NHSL1: variants seen among roughly 807,000 people sequenced by gnomAD.
NHSL1 encodes the protein NHS like 1.
Under a neutral mutation model 95.0 loss-of-function variants are expected in NHSL1, and 48 were observed. The observed-to-expected ratio is 0.51, with a 90% CI of 0.40 to 0.64. The LOEUF (loss-of-function observed/expected upper bound fraction) is 0.64. NHSL1 is among the 30% of genes least tolerant of loss of function. NHSL1 has a pLI of 0.00. For synonymous variants in NHSL1, 783 were observed against 833.9 expected (o/e 0.94, Z 1.05); for missense variants, 1,971 against 2,077.7 (o/e 0.95, Z 1.00).
chr6:138,621,201 C>A (rs1200308484), intron 1 of NHSL1, among the ~76,000 whole-genome samples: 2 of 152,166 alleles, frequency 1.3e-5, no homozygotes, highest in Non-Finnish European at 2.9e-5. Context: ...AGTTTTGCTA[C>A]AAATGGTATG....
At chr6:138,428,410 G>A (rs1267578576) in intron 7 of NHSL1, among the ~76,000 whole-genome samples, 1 of 152,216 alleles carries the variant, frequency 6.6e-6, no homozygotes, top group Non-Finnish European at 1.5e-5. Context: ...TGCCACTGAA[G>A]TTTCAAAGGA....
intron 1 of NHSL1, among the ~76,000 whole-genome samples, chr6:138,690,327 G>A (rs1439754215): frequency 1.3e-5 from 2 of 152,148 alleles, no homozygotes; most frequent in Non-Finnish European, 2.9e-5. Flanking sequence ...AGCAAAGTGT[G>A]TGAAGGTGAA....
chr6:138,606,135 G>C (rs546172950), intron 1 of NHSL1, among the ~76,000 whole-genome samples: 1 of 152,186 alleles, frequency 6.6e-6, no homozygotes, highest in Non-Finnish European at 1.5e-5. Flanking sequence ...TGCTGTGCCT[G>C]CCACCCACAG....
At chr6:138,437,403 TAC>T (rs1776231216) in intron 5 of NHSL1, among the ~76,000 whole-genome samples, 5 of 56,488 alleles carry the variant, frequency 8.9e-5, no homozygotes, top group African/African-American at 1.7e-4. Context: ...TATATATATA[TAC>T]ACACATATAC....
chr6:138,495,935 A>T (rs961395595), intron 2 of NHSL1, among the ~76,000 whole-genome samples: 2 of 152,082 alleles, frequency 1.3e-5, no homozygotes, highest in Non-Finnish European at 2.9e-5. Context: ...ATTCACTATC[A>T]TGAGAACAGT....
intron 1 of NHSL1, among the ~76,000 whole-genome samples, chr6:138,652,365 C>T (rs576072360): frequency 3.3e-5 from 5 of 150,788 alleles, no homozygotes; most frequent in Non-Finnish European, 5.9e-5. Context: ...CACTTGAACC[C>T]GGAGGCAGAG....
intron 7 of NHSL1, among the ~76,000 whole-genome samples, chr6:138,426,640 G>A (rs1213616946): frequency 1.3e-5 from 2 of 152,160 alleles, no homozygotes; most frequent in African/African-American, 4.8e-5. Flanking sequence ...AAGACAGAGG[G>A]CAGCATGGGC....
chr6:138,585,229 G>A (rs1200283158), intron 1 of NHSL1, among the ~76,000 whole-genome samples: 1 of 152,194 alleles, frequency 6.6e-6, no homozygotes, highest in Non-Finnish European at 1.5e-5. Context: ...GGAGCGAGAG[G>A]TGAGCTGGGA....
At chr6:138,514,791 C>T (rs1451638577) in intron 1 of NHSL1, among the ~76,000 whole-genome samples, 1 of 152,094 alleles carries the variant, frequency 6.6e-6, no homozygotes, top group Admixed American at 6.5e-5. Context: ...GATGTAGTGG[C>T]TCACACCTGT....
chr6:138,442,243 T>A (rs534746908), intron 4 of NHSL1, 129 bp from the exon 5 acceptor site: 1 of 968,084 alleles, frequency 1.0e-6, no homozygotes, highest in South Asian at 2.1e-5. Flanking sequence ...CATATGATGA[T>A]GAATGCTGAA....
intron 1 of NHSL1, among the ~76,000 whole-genome samples, chr6:138,625,668 CAA>C (rs1452329072): frequency 1.0e-4 from 15 of 148,908 alleles, no homozygotes; most frequent in Non-Finnish European, 2.1e-4. Context: ...AAATTAGAGA[CAA>C]AGTCTTGCTG....
intron 1 of NHSL1, among the ~76,000 whole-genome samples, chr6:138,505,584 G>A (rs1457459340): frequency 2.7e-5 from 4 of 150,436 alleles, no homozygotes; most frequent in Non-Finnish European, 5.9e-5. Context: ...GAATCTGGGA[G>A]GCGGAGGTTG....
chr6:138,669,893 G>A (rs1377077803), intron 1 of NHSL1, among the ~76,000 whole-genome samples: 2 of 152,036 alleles, frequency 1.3e-5, no homozygotes, highest in Non-Finnish European at 2.9e-5. Context: ...GGCCAAGGTG[G>A]GTGGATCACC....
chr6:138,647,741 C>T (rs1785038411), intron 1 of NHSL1, among the ~76,000 whole-genome samples: 1 of 151,794 alleles, frequency 6.6e-6, no homozygotes, highest in Non-Finnish European at 1.5e-5. Context: ...GCTGGGATTA[C>T]AGATGCGCGC....
At chr6:138,685,671 G>A (rs1042046179) in intron 1 of NHSL1, among the ~76,000 whole-genome samples, 12 of 151,948 alleles carry the variant, frequency 7.9e-5, no homozygotes, top group African/African-American at 2.9e-4. Context: ...GCAACACAGT[G>A]AGACATCAAT....
intron 1 of NHSL1, among the ~76,000 whole-genome samples, chr6:138,627,986 T>C (rs1784765399): frequency 6.6e-6 from 1 of 152,096 alleles, no homozygotes; most frequent in Admixed American, 6.5e-5. Context: ...AAAGTTACTT[T>C]TAAGTTTTCA....
intron 3 of NHSL1, chr6:138,464,190 G>A (rs1778190990): frequency 2.8e-6 from 2 of 712,658 alleles, no homozygotes; most frequent in African/African-American, 1.8e-5. Context: ...GGCACCAGGG[G>A]CAGCCTGACA....
At chr6:138,613,514 A>T (rs1245707478) in intron 1 of NHSL1, among the ~76,000 whole-genome samples, 2 of 152,320 alleles carry the variant, frequency 1.3e-5, no homozygotes, top group Admixed American at 6.5e-5. Flanking sequence ...CTGAGGGAGT[A>T]TGTGCACCTA....
intron 1 of NHSL1, among the ~76,000 whole-genome samples, chr6:138,631,914 T>G (rs1241462474): frequency 1.3e-5 from 2 of 152,078 alleles, no homozygotes; most frequent in Admixed American, 1.3e-4. Flanking sequence ...CCAAGTGGGC[T>G]CTTGGGGTCC....
Sources: allele counts gnomAD v4.1 joint callset (sites outside exome capture counted in the v4.1 genomes callset), GRCh38; gene constraint gnomAD v4.1.1; transcripts MANE v1.5; gene names NCBI Gene and HGNC (gene_info 2026-07-23, HGNC 2026-07-21).